Variants in CDH18 observed in about 807,000 individuals in gnomAD.
CDH18 encodes the protein cadherin 18.
CDH18 carries 31 observed loss-of-function variants against 67.9 expected under a neutral mutation model. The ratio of observed to expected loss-of-function variants is 0.46; its 90% CI spans 0.34 to 0.62. CDH18 has a LOEUF of 0.62. Ranked by LOEUF, CDH18 falls within the 20% of genes least tolerant of loss-of-function variation. CDH18 has a pLI of 0.01. For synonymous variants in CDH18, 362 were observed against 347.2 expected, an observed-to-expected ratio of 1.04 and a Z score of -0.48; for missense variants, 890 against 975.5, an observed-to-expected ratio of 0.91 and a Z score of 1.17.
chr5:20,092,908 G>A (rs963691523), intron 2 of CDH18, among the ~76,000 whole-genome samples: 7 of 152,034 alleles, frequency 4.6e-5, no homozygotes, highest in Non-Finnish European at 8.8e-5. Context: ...ATCACATTTG[G>A]TATGACAGAA....
Position 19,973,097 on chromosome 5 carries a change from G to T in CDH18, c.-257+7963C>A, listed in dbSNP as rs1457343869. Among the ~76,000 whole-genome samples, 3 of 152,026 alleles carry T rather than the reference G, an allele frequency of 2.0e-5. No individual in the cohort carries two copies. The East Asian group carries it at 5.8e-4, about 29-fold the overall frequency. The stretch of plus-strand genomic sequence containing the variant: ...ATAAAATGGAATAATCTACAGGAAT[G>T]AAAATGCATAAACAACTGATTAATT... On this transcript the variant is annotated intron_variant, in intron 2 of 12. Coordinates refer to ENST00000382275, the MANE Select transcript of CDH18 (RefSeq NM_004934.5).
chr5:20,274,517 T>G (rs1053960978), intron 1 of CDH18, among the ~76,000 whole-genome samples: 1 of 152,158 alleles, frequency 6.6e-6, no homozygotes, highest in African/African-American at 2.4e-5. Flanking sequence ...GAGAGATATA[T>G]TCCTTATCTT....
In CDH18 at chr5:20,512,224, A is replaced by G. The variant is rs187566539; in HGVS notation, c.-580+63238T>C. Among the ~76,000 whole-genome samples the G allele has an allele frequency of 6.6e-4, 101 of 152,282 alleles. 1 individual carries two copies. Among genetic ancestry groups the G allele is most frequent in the Admixed American group, 5.8e-3 (88 of 15,292 alleles). ...GGCAACAGAGTGAGACTCTGTCTCA[A>G]AAAAATAAAAAAATAAATGCTCGCT... On this transcript the variant is annotated intron_variant, in intron 1 of 14. Coordinates refer to the CDH18 transcript ENST00000507958.
At chr5:19,745,939 A>G (rs189919211) in intron 4 of CDH18, among the ~76,000 whole-genome samples, 23 of 152,000 alleles carry the variant, frequency 1.5e-4, no homozygotes, top group Admixed American at 1.3e-4. Context: ...ATATACACAT[A>G]TATATATTTC....
At chr5:20,133,712 C>A (rs1359720563) in intron 2 of CDH18, among the ~76,000 whole-genome samples, 2 of 151,528 alleles carry the variant, frequency 1.3e-5, no homozygotes, top group Non-Finnish European at 2.9e-5. Context: ...TATAAAGTGC[C>A]CCCTAACCTT....
At chr5:19,551,364 T>TA (rs1233499929) in intron 8 of CDH18, among the ~76,000 whole-genome samples, 1 of 152,150 alleles carries the variant, frequency 6.6e-6, no homozygotes, top group Admixed American at 6.5e-5. Flanking sequence ...ATTTCTAAAA[T>TA]AGACACAGCA....
rs553331774 is a variant in CDH18 at position 20,160,595 on chromosome 5, T to C, written c.-518+94849A>G. On this transcript the variant is annotated intron_variant, in intron 2 of 14. Transcript: ENST00000507958. ...TCTTCACTTGAAAAATAACATTTTA[T>C]CAAATTTGGATTTTATCTTAGGAAA... Among the ~76,000 whole-genome samples the C allele has an allele frequency of 2.0e-5, 3 of 152,350 alleles. No individual in the cohort carries two copies. The East Asian group carries it at 5.8e-4, about 29-fold the overall frequency.
At chr5:20,528,798 T>C (rs1028967952) in intron 1 of CDH18, among the ~76,000 whole-genome samples, 1 of 152,006 alleles carries the variant, frequency 6.6e-6, no homozygotes, top group Non-Finnish European at 1.5e-5. Context: ...GCTGGAAAGA[T>C]CTCAAACTGA....
chr5:20,320,679 G>T (rs1191483265), intron 1 of CDH18, among the ~76,000 whole-genome samples: 1 of 152,144 alleles, frequency 6.6e-6, no homozygotes, highest in Non-Finnish European at 1.5e-5. Context: ...GAAGTTTGCT[G>T]TATAGCAAAG....
chr5:20,032,690 CTT>C (rs1329146858), intron 2 of CDH18, among the ~76,000 whole-genome samples: 1 of 151,926 alleles, frequency 6.6e-6, no homozygotes, highest in Non-Finnish European at 1.5e-5. Flanking sequence ...ACAGTAAACT[CTT>C]AAACTTGACG....
intron 2 of CDH18, among the ~76,000 whole-genome samples, chr5:20,237,534 CAG>C (rs1742571735): frequency 6.6e-6 from 1 of 151,744 alleles, no homozygotes; most frequent in Admixed American, 6.6e-5. Context: ...AACAAAGACT[CAG>C]AACACAAAAT....
At chr5:20,313,050 A>T (rs1737139779) in intron 1 of CDH18, among the ~76,000 whole-genome samples, 1 of 152,164 alleles carries the variant, frequency 6.6e-6, no homozygotes, top group Non-Finnish European at 1.5e-5. Context: ...ATAGTTACAC[A>T]TGCAATGGAT....
At chr5:20,179,274 A>G (rs2126677628) in intron 2 of CDH18, among the ~76,000 whole-genome samples, 1 of 152,264 alleles carries the variant, frequency 6.6e-6, no homozygotes, top group South Asian at 2.1e-4. Flanking sequence ...TTATTACCTC[A>G]CTTTAACATA....
chr5:19,531,205 CA>C (rs1413725463), intron 9 of CDH18, among the ~76,000 whole-genome samples: 1 of 152,038 alleles, frequency 6.6e-6, no homozygotes, highest in African/African-American at 2.4e-5. Flanking sequence ...TGAATATATT[CA>C]AAAAAATGAA....
intron 2 of CDH18, among the ~76,000 whole-genome samples, chr5:19,841,053 G>A (rs1283856990): frequency 3.3e-5 from 5 of 152,072 alleles, no homozygotes; most frequent in South Asian, 2.1e-4. Flanking sequence ...ATTTGGTCAC[G>A]AAGGAAAAAA....
At chr5:20,288,239 C>T (rs1346074778) in intron 1 of CDH18, among the ~76,000 whole-genome samples, 1 of 151,652 alleles carries the variant, frequency 6.6e-6, no homozygotes, top group Non-Finnish European at 1.5e-5. Flanking sequence ...GACTGAAATC[C>T]TTAACTCTAA....
rs930095282 is a variant in CDH18, at chr5:20,257,006, A to G, written c.-579-1501T>C. ...TCTATATCTATCTATCTATCTATCTATCATCATCATCCTCTATCTACTTAT... is the reference window on the plus strand; with the variant it reads ...TCTATATCTATCTATCTATCTATCTGTCATCATCATCCTCTATCTACTTAT... On this transcript the variant is annotated intron_variant, in intron 1 of 14. Transcript: ENST00000507958. Among the ~76,000 whole-genome samples the G allele has an allele frequency of 1.5e-4, 22 of 148,830 alleles. No homozygotes were observed. The Middle Eastern group carries it at 0.01, about 70-fold the overall frequency.
intron 2 of CDH18, among the ~76,000 whole-genome samples, chr5:20,197,611 C>A (rs1235662030): frequency 1.3e-5 from 2 of 152,162 alleles, no homozygotes; most frequent in Non-Finnish European, 2.9e-5. Context: ...TGTCCTAGGG[C>A]ACCCAGACAA....
intron 3 of CDH18, among the ~76,000 whole-genome samples, chr5:19,834,152 AT>A (rs36060099): frequency 0.025 from 3,624 of 143,588 alleles, 81 homozygotes; most frequent in African/African-American, 0.07. Context: ...TGGTCCTGGG[AT>A]TTTTTTTTTT....
Sources: gnomAD v4.1 joint callset for allele counts (sites outside exome capture counted in the v4.1 genomes callset) on GRCh38, gnomAD v4.1.1 for gene constraint, MANE v1.5 for transcripts, NCBI Gene and HGNC (gene_info 2026-07-23, HGNC 2026-07-21) for gene names.